The following CACNA1D variants were observed in gnomAD, a reference collection of about 807,000 sequenced individuals.
CACNA1D encodes voltage-dependent L-type calcium channel subunit alpha-1D.
In CACNA1D, 55 loss-of-function variants were observed where a neutral mutation model predicts 257.1. The observed-to-expected ratio is 0.21, with a 90% CI of 0.17 to 0.27. The LOEUF (loss-of-function observed/expected upper bound fraction) is 0.27. CACNA1D is among the 10% of genes least tolerant of loss of function. CACNA1D has a pLI of 1.00. For synonymous variants in CACNA1D, 980 were observed against 1,014.9 expected, an observed-to-expected ratio of 0.97 and a Z score of 0.65; for missense variants, 1,876 against 2,784.0, an observed-to-expected ratio of 0.67 and a Z score of 7.34.
chr3:53,637,965 A>G (rs1421908025), intron 3 of CACNA1D, among the ~76,000 whole-genome samples: 2 of 152,200 alleles, frequency 1.3e-5, no homozygotes, highest in Non-Finnish European at 2.9e-5. Context: ...TATAGACTCC[A>G]TACTTAAAAT....
intron 36 of CACNA1D, 47 bp downstream of exon 36, chr3:53,776,777 A>G (rs751531592): frequency 1.2e-6 from 2 of 1,614,172 alleles, no homozygotes; most frequent in South Asian, 2.2e-5. Context: ...GGATTTTGGA[A>G]TGTCAGCTTT....
At chr3:53,739,126 ACTC>A (rs771239372) in intron 20 of CACNA1D, among the ~76,000 whole-genome samples, 3 of 151,218 alleles carry the variant, frequency 2.0e-5, no homozygotes, top group African/African-American at 4.9e-5. Context: ...CCCCCAGGCG[ACTC>A]CTCTACCTAC....
At chr3:53,523,357 A>G (rs2091648789) in intron 3 of CACNA1D, among the ~76,000 whole-genome samples, 1 of 152,236 alleles carries the variant, frequency 6.6e-6, no homozygotes, top group African/African-American at 2.4e-5. Context: ...AAACTGCTCT[A>G]TGTAAAAGGA....
intron 8 of CACNA1D, among the ~76,000 whole-genome samples, chr3:53,691,154 T>G (rs1421267530): frequency 1.4e-5 from 2 of 147,782 alleles, no homozygotes; most frequent in Non-Finnish European, 3.0e-5. Flanking sequence ...TACCTCTTTT[T>G]TTTTTTTTGG....
chr3:53,751,143 A>G lies in CACNA1D; in HGVS notation c.3517-606A>G, dbSNP rs1433709727. On this transcript the variant is annotated intron_variant, in intron 27 of 47. Coordinates refer to ENST00000350061, the MANE Select transcript of CACNA1D (RefSeq NM_001128840.3). This position sits in a 1 kb window ranked among gnomAD's most constrained non-coding sequence, Gnocchi z 4.3. ...AGCTCCCCAGCCCAGAAGCTCCCCG[A>G]TGGACATGTGGATAGCTCCCCATAA... is the stretch of plus-strand genomic sequence containing the variant. Among the ~76,000 whole-genome samples the G allele has an allele frequency of 6.6e-6, 1 of 152,212 alleles. No homozygotes were observed. Among genetic ancestry groups the G allele is most frequent in the Non-Finnish European group, 1.5e-5 (1 of 68,034 alleles).
At position 53,776,646 on chromosome 3, in the gene CACNA1D, A is replaced by G; in HGVS notation, c.4406A>G (p.Tyr1469Cys). 6.2e-7 allele frequency: 1 copy of G among 1,614,230 alleles called. No individual in the cohort carries two copies. The change falls in exon 36 of 48, where the codon TAT (tyrosine) becomes TGT (cysteine). Residue 1469 changes from tyrosine to cysteine, a missense_variant. Physicochemically the swap from Tyr to Cys is radical, Grantham distance 194. Transcript: ENST00000350061. ...GCTGTCATCATGGATAATTTCGACT[A>G]TCTGACCCGGGACTGGTCTATTTTG... ...FVAVIMDNFD[Y>C]LTRDWSILGP...
At chr3:53,630,380 A>C (rs2093808906) in intron 3 of CACNA1D, among the ~76,000 whole-genome samples, 1 of 152,246 alleles carries the variant, frequency 6.6e-6, no homozygotes, top group Admixed American at 6.5e-5. Flanking sequence ...ATTCAACAAT[A>C]AAACATGTAA....
At chr3:53,517,249 TCCTAATTC>T (rs2091376279) in intron 3 of CACNA1D, among the ~76,000 whole-genome samples, 1 of 83,908 alleles carries the variant, frequency 1.2e-5, no homozygotes, top group Non-Finnish European at 2.5e-5. Context: ...AGGCCCTGAA[TCCTAATTC>T]CACTCCATCT....
chr3:53,675,825 G>T (rs923003985), intron 8 of CACNA1D, among the ~76,000 whole-genome samples: 4 of 152,192 alleles, frequency 2.6e-5, no homozygotes, highest in Non-Finnish European at 5.9e-5. Flanking sequence ...AATGACACAT[G>T]AAATTATAAA....
At chr3:53,713,173 T>G (rs955593134) in intron 9 of CACNA1D, among the ~76,000 whole-genome samples, 1 of 152,314 alleles carries the variant, frequency 6.6e-6, no homozygotes, top group African/African-American at 2.4e-5. Context: ...GGAAACCCCC[T>G]GGTTGTTGGT....
At chr3:53,765,382 C>G (rs917321011) in intron 30 of CACNA1D, 10 of 152,678 alleles carry the variant, frequency 6.5e-5, no homozygotes, top group Non-Finnish European at 1.2e-4. Context: ...CTGCCATGCT[C>G]TCTTCCCCAA....
At chr3:53,737,446 C>T (rs1449218471) in intron 20 of CACNA1D, among the ~76,000 whole-genome samples, 1 of 152,160 alleles carries the variant, frequency 6.6e-6, no homozygotes, top group African/African-American at 2.4e-5. Context: ...AAACACTACA[C>T]CATTTTATAT....
At chr3:53,786,705 G>C (rs746285625) in intron 39 of CACNA1D, 117 bp from the exon 40 acceptor site, 2 of 813,334 alleles carry the variant, frequency 2.5e-6, no homozygotes, top group Non-Finnish European at 4.2e-6. Flanking sequence ...TGCCTTCTGC[G>C]CCGGACCGCC....
intron 9 of CACNA1D, among the ~76,000 whole-genome samples, chr3:53,704,887 A>G (rs1321727830): frequency 6.6e-6 from 1 of 152,210 alleles, no homozygotes; most frequent in South Asian, 2.1e-4. Context: ...GAAGTAGACA[A>G]GGTTTCGTGT....
intron 3 of CACNA1D, among the ~76,000 whole-genome samples, chr3:53,567,352 C>A (rs1364584968): frequency 6.6e-6 from 1 of 152,178 alleles, no homozygotes; most frequent in Non-Finnish European, 1.5e-5. Context: ...ATGAAAGAGG[C>A]TTCGTTGCTC....
At chr3:53,660,570 G>A (rs572234387) in intron 5 of CACNA1D, among the ~76,000 whole-genome samples, 115 of 152,306 alleles carry the variant, frequency 7.6e-4, no homozygotes, top group Non-Finnish European at 1.5e-3. Context: ...TTTAATTCCA[G>A]TCTATTTTTC....
intron 3 of CACNA1D, among the ~76,000 whole-genome samples, chr3:53,570,540 G>A (rs1042431344): frequency 1.3e-5 from 2 of 152,194 alleles, no homozygotes; most frequent in South Asian, 4.1e-4. Context: ...AACTGTAAAC[G>A]TCAACGGAGC....
chr3:53,547,196 T>G (rs1185119168), intron 3 of CACNA1D, among the ~76,000 whole-genome samples: 3 of 152,170 alleles, frequency 2.0e-5, no homozygotes, highest in African/African-American at 7.2e-5. Flanking sequence ...GTGTGCTGGG[T>G]GCAAGGCATT....
chr3:53,687,529 A>T (rs1338422109), intron 8 of CACNA1D, among the ~76,000 whole-genome samples: 1 of 152,120 alleles, frequency 6.6e-6, no homozygotes, highest in Non-Finnish European at 1.5e-5. Flanking sequence ...AAAAAAAAAA[A>T]AATAAGCTGG....
Sources: allele counts gnomAD v4.1 joint callset (sites outside exome capture counted in the v4.1 genomes callset), GRCh38; gene constraint gnomAD v4.1.1; non-coding constraint Gnocchi (gnomAD v3.1); transcripts MANE v1.5; gene names NCBI Gene and HGNC (gene_info 2026-07-23, HGNC 2026-07-21).